SPOCD1: variants seen among roughly 807,000 people sequenced by gnomAD.
The protein encoded by SPOCD1 is SPOC domain-containing protein 1.
SPOCD1 carries 64 observed loss-of-function variants against 92.2 expected under a neutral mutation model. The observed-to-expected ratio is 0.69, with a 90% CI of 0.57 to 0.86. The LOEUF is 0.86. Among genes scored for constraint, SPOCD1 ranks in the 40% least tolerant of loss-of-function variants. The probability of loss-of-function intolerance (pLI) is 0.00; values close to 1 mark genes in which losing one functional copy is unlikely to be tolerated. For missense variants in SPOCD1, 1,360 were observed against 1,543.1 expected, an observed-to-expected ratio of 0.88 and a Z score of 1.99; for synonymous variants, 578 against 619.3, an observed-to-expected ratio of 0.93 and a Z score of 0.99.
rs1337805252 is a variant in SPOCD1, at chr1:31,790,790, G to T, written c.3464C>A (p.Ser1155Tyr). The change falls in exon 16 of 16, where the codon TCC becomes TAC. Residue 1155 changes from serine (S) to tyrosine (Y), a missense_variant. Transcript: ENST00000360482. ...PHQALLRHLE[S>Y]LATMSHQLQA... Reference sequence around the variant, plus strand: ...GAGCTGGTGACTCATGGTCGCCAGGGATTCGAGGTGCCGGAGCAGGGCTTG... The same window carrying T: ...GAGCTGGTGACTCATGGTCGCCAGGTATTCGAGGTGCCGGAGCAGGGCTTG... The T allele has an allele frequency of 2.6e-6, 4 of 1,547,068 alleles. No homozygotes were observed. The highest frequency in any genetic ancestry group is 3.5e-6 in the Non-Finnish European group (4 of 1,144,754).
Position 31,800,085 on chromosome 1 carries a change from G to A in SPOCD1, c.1659C>T (p.Asp553=). Reference sequence around the variant, plus strand: ...AACCGCTTCTTGGAGGGTAGAAGGGGTCAGAGAGGCCACCAGGGTCCCCTG... The same window carrying A: ...AACCGCTTCTTGGAGGGTAGAAGGGATCAGAGAGGCCACCAGGGTCCCCTG... ...GTAGDPGGLS[D]PFYPPRSGSL... is the part of the protein sequence containing the mutation. The change falls in exon 5 of 16, where the codon GAC becomes GAT. Residue 553 remains aspartate, a synonymous_variant. Coordinates refer to ENST00000360482, the MANE Select transcript of SPOCD1 (RefSeq NM_144569.7). 2 of 1,606,744 alleles carry A rather than the reference G, an allele frequency of 1.2e-6. No homozygotes were observed. The highest frequency in any genetic ancestry group is 1.1e-5 in the South Asian group (1 of 90,206).
Position 31,815,180 on chromosome 1 carries a change from T to G in SPOCD1, c.154A>C (p.Arg52=), listed in dbSNP as rs1457323891. The change falls in exon 2 of 16, where the codon AGG becomes CGG. Residue 52 remains arginine, a synonymous_variant. Transcript: ENST00000360482. ...GGGATCTTCCTTCTGCTGCCAGCCC[T>G]GACTCCGGGCCCAGAGCTTGCTCCC... The part of the protein sequence containing the change: ...GPGASSGPGV[R]AGSRRKIPRK... 6.2e-7 allele frequency: 1 copy of G among 1,607,288 alleles called. No homozygotes were observed. The highest frequency in any genetic ancestry group is 1.3e-5 in the African/African-American group (1 of 74,812).
chr1:31,801,315 G>A (rs1329840346), intron 3 of SPOCD1, among the ~76,000 whole-genome samples: 1 of 152,198 alleles, frequency 6.6e-6, no homozygotes, highest in Non-Finnish European at 1.5e-5. Flanking sequence ...GTTGTAACAA[G>A]ATCCCCCACC....
chr1:31,790,450 C>A lies in SPOCD1; in HGVS notation c.*153G>T, dbSNP rs1315848045. ...CAATTTTACCAAATTCTTTATTGAA[C>A]AAAAAATCAACAGCAAACATTGTCA... On this transcript the variant is annotated 3_prime_UTR_variant, in exon 16 of 16. Transcript: ENST00000360482. 4.0e-6 allele frequency: 3 copies of A among 747,488 alleles called. No individual in the cohort carries two copies. Among genetic ancestry groups the A allele is most frequent in the Non-Finnish European group, 6.5e-6 (3 of 462,060 alleles). 46.3% of individuals were successfully genotyped at this position (747,488 alleles called of 1,614,324 possible). A position where few individuals can be genotyped will look rare whatever the true frequency, so the allele number is the denominator to read the frequency against.
At position 31,814,620 on chromosome 1, in the gene SPOCD1, C is replaced by T. The variant is rs148988598; in HGVS notation, c.714G>A (p.Leu238=). Residue 238 remains leucine, a synonymous_variant, in exon 2 of 16, where the codon CTG becomes CTA. Transcript: ENST00000360482. The surrounding 1 kb of genome is among the most constrained non-coding windows in gnomAD (Gnocchi z 4.2). ...LDQSPRGDNL[L]SVGDPPQVAD... ...CAACTTGGGGAGGGTCTCCCACAGA[C>T]AGGAGGTTGTCCCCACGAGGGCTCT... 2.6e-6 allele frequency: 4 copies of T among 1,533,566 alleles called. No individual in the cohort carries two copies. The highest frequency in any genetic ancestry group is 1.3e-5 in the South Asian group (1 of 76,998). The allele number at this position is 1,533,566 out of a possible 1,614,324, so 95.0% of individuals were successfully genotyped here.
intron 2 of SPOCD1, among the ~76,000 whole-genome samples, chr1:31,811,558 TAA>T (rs1209068433): frequency 3.3e-5 from 5 of 152,100 alleles, no homozygotes; most frequent in African/African-American, 1.2e-4. Context: ...AAGACATGTC[TAA>T]AGTCACCCTG....
intron 2 of SPOCD1, among the ~76,000 whole-genome samples, chr1:31,807,931 T>C (rs1340387195): frequency 6.6e-6 from 1 of 152,074 alleles, no homozygotes; most frequent in African/African-American, 2.4e-5. Flanking sequence ...CTTACCAAAA[T>C]TGATTCAAGA....
rs753477246 is a variant in SPOCD1 at position 31,814,093 on chromosome 1, A to T, written c.1241T>A (p.Met414Lys). 6.8e-6 allele frequency: 11 copies of T among 1,613,482 alleles called. No homozygotes were observed. The highest frequency in any genetic ancestry group is 1.3e-5 in the African/African-American group (1 of 74,928). Residue 414 changes from methionine to lysine, a missense_variant, in exon 2 of 16, where the codon ATG becomes AAG. Coordinates refer to ENST00000360482, the MANE Select transcript of SPOCD1 (RefSeq NM_144569.7). This position sits in a 1 kb window ranked among gnomAD's most constrained non-coding sequence, Gnocchi z 4.2. Reference protein sequence around the residue: ...EASRACSGPFMEQRRSKGTKN... With the variant: ...EASRACSGPFKEQRRSKGTKN... ...AGTGCCCTTGGATCTTCTCTGCTCC[A>T]TGAATGGGCCTGAGCAGGCCCTGCT...
intron 2 of SPOCD1, among the ~76,000 whole-genome samples, chr1:31,809,323 G>T (rs1204688610): frequency 6.6e-6 from 1 of 152,184 alleles, no homozygotes; most frequent in African/African-American, 2.4e-5. Context: ...GGCTGGTGAA[G>T]ATGTGAAGTC....
Position 31,792,406 on chromosome 1 carries a change from G to T in SPOCD1, c.2776-5C>A. ...CAGTCTGACCACGCAGACGTCCTGC[G>T]GTGGCAGGAGGAGAGCAGCTGTAAG... On this transcript the variant is annotated splice_polypyrimidine_tract_variant and splice_region_variant and intron_variant, in intron 14 of 15. Coordinates refer to ENST00000360482, the MANE Select transcript of SPOCD1 (RefSeq NM_144569.7). The T allele has an allele frequency of 6.2e-7, 1 of 1,612,484 alleles. No individual in the cohort carries two copies. Among genetic ancestry groups the T allele is most frequent in the Non-Finnish European group, 8.5e-7 (1 of 1,179,618 alleles).
At chr1:31,815,470 C>T (rs1383974611) in intron 1 of SPOCD1, 98 bp from the exon 2 acceptor site, 6 of 864,092 alleles carry the variant, frequency 6.9e-6, no homozygotes, top group African/African-American at 3.4e-5. Flanking sequence ...AGCCAGCTCT[C>T]CCAGACCCTT....
At position 31,794,225 on chromosome 1, in the gene SPOCD1, A is replaced by T. The variant is rs1168054134; in HGVS notation, c.2282T>A (p.Met761Lys). Residue 761 changes from methionine (M) to lysine (K), a missense_variant, in exon 11 of 16, where the codon ATG becomes AAG. Coordinates refer to ENST00000360482, the MANE Select transcript of SPOCD1 (RefSeq NM_144569.7). Reference sequence around the variant, plus strand: ...GGCCTGTGGGCTGCAGTCCATGAACATCTGCGGTCCCTGGGAGGCAGAAGA... The same window carrying T: ...GGCCTGTGGGCTGCAGTCCATGAACTTCTGCGGTCCCTGGGAGGCAGAAGA... ...LTLEDLVGPQ[M>K]FMDCSPQALP... is the part of the protein sequence containing the mutation. 6.2e-7 allele frequency: 1 copy of T among 1,611,872 alleles called. No individual in the cohort carries two copies. The highest frequency in any genetic ancestry group is 8.5e-7 in the Non-Finnish European group (1 of 1,178,282).
chr1:31,792,749 G>A lies in SPOCD1; in HGVS notation c.2704C>T (p.Arg902Cys), dbSNP rs776332192. The A allele has an allele frequency of 2.7e-5, 44 of 1,605,672 alleles. No individual in the cohort carries two copies. The East Asian group carries it at 6.9e-4, about 25-fold the overall frequency. Reference protein sequence around the residue: ...RLVQALPTVIRSAGCIPSNIV... With the variant: ...RLVQALPTVICSAGCIPSNIV... Reference sequence around the variant, plus strand: ...TTGGAGGGGATGCAGCCTGCCGAGCGGATCACGGTGGGCAGAGCCTAGGGG... The same window carrying A: ...TTGGAGGGGATGCAGCCTGCCGAGCAGATCACGGTGGGCAGAGCCTAGGGG... Residue 902 changes from arginine (R) to cysteine (C), a missense_variant, in exon 14 of 16, where the codon CGC (arginine) becomes TGC (cysteine). Physicochemically the swap from Arg to Cys is radical, Grantham distance 180. Transcript: ENST00000360482.
Position 31,800,024 on chromosome 1 carries a change from ATGCAGGGTCCGAGC to A in SPOCD1, c.1706_1719del (p.Ser569MetfsTer10). The A allele has an allele frequency of 1.2e-6, 2 of 1,612,216 alleles. No individual in the cohort carries two copies. On this transcript the variant is annotated frameshift_variant, in exon 5 of 16. Coordinates refer to ENST00000360482, the MANE Select transcript of SPOCD1 (RefSeq NM_144569.7). LOFTEE classifies it high-confidence loss of function. ...GGGGCAGAACAACTTGCCTGGGAAC[ATGCAGGGTCCGAGC>A]TGGGGTCGCCAAGGGCCAGGGAACC...
intron 2 of SPOCD1, among the ~76,000 whole-genome samples, chr1:31,805,354 G>A (rs545762662): frequency 6.6e-6 from 1 of 152,102 alleles, no homozygotes; most frequent in Non-Finnish European, 1.5e-5. Context: ...ACTACTAGAG[G>A]GATAAAAAGG....
chr1:31,805,564 AAAATT>A (rs1362135728), intron 2 of SPOCD1, among the ~76,000 whole-genome samples: 2 of 152,006 alleles, frequency 1.3e-5, no homozygotes, highest in African/African-American at 2.4e-5. Context: ...TGGCCCTACC[AAAATT>A]TTTTTTTAAA....
At chr1:31,792,456 A>G (rs1647669714) in intron 14 of SPOCD1, 55 bp from the exon 15 acceptor site, 1 of 1,570,254 alleles carries the variant, frequency 6.4e-7, no homozygotes, top group East Asian at 2.3e-5. Context: ...GCTCCTGCCA[A>G]CACCCCTGGG....
At chr1:31,804,863 G>A (rs551737231) in intron 2 of SPOCD1, among the ~76,000 whole-genome samples, 128 of 152,032 alleles carry the variant, frequency 8.4e-4, no homozygotes, top group Admixed American at 1.6e-3. Context: ...AAAGGTACGC[G>A]CTTGGAATTA....
rs1374823309 is a variant in SPOCD1, at chr1:31,790,694, G to T, written c.3560C>A (p.Ala1187Glu). The T allele has an allele frequency of 6.4e-7, 1 of 1,551,920 alleles. No individual in the cohort carries two copies. Among genetic ancestry groups the T allele is most frequent in the African/African-American group, 1.4e-5 (1 of 73,194 alleles). The part of the protein sequence containing the change: ...RPLQRLSSAL[A>E]APEPPGPARD... ...GGCTGGGCCAGGGGGCTCTGGAGCT[G>T]CAAGGGCGCTAGACAAACGCTGCAG... The change falls in exon 16 of 16, where the codon GCA becomes GAA. Residue 1187 changes from alanine (A) to glutamate (E), a missense_variant. Physicochemically the swap from Ala to Glu is moderately radical, Grantham distance 107 (BLOSUM62 -1). Coordinates refer to ENST00000360482, the MANE Select transcript of SPOCD1 (RefSeq NM_144569.7).
Sources: allele counts gnomAD v4.1 joint callset (sites outside exome capture counted in the v4.1 genomes callset), GRCh38; gene constraint gnomAD v4.1.1; non-coding constraint Gnocchi (gnomAD v3.1); transcripts MANE v1.5; gene names NCBI Gene and HGNC (gene_info 2026-07-23, HGNC 2026-07-21).